The following RAPGEF2 variants were observed in gnomAD, a reference collection of about 807,000 sequenced individuals.
The protein encoded by RAPGEF2 is PDZ domain containing guanine nucleotide exchange factor (GEF) 1.
A neutral mutation model predicts 186.7 loss-of-function variants in RAPGEF2; 54 were observed. The observed-to-expected ratio is 0.29, with a 90% CI of 0.23 to 0.36. The LOEUF is 0.36. Among genes scored for constraint, RAPGEF2 ranks in the 10% least tolerant of loss-of-function variants. The pLI is 1.00. For missense variants in RAPGEF2, 1,532 were observed against 2,045.0 expected (o/e 0.75, Z 4.84); for synonymous variants, 712 against 705.9 (o/e 1.01, Z -0.14).
intron 7 of RAPGEF2, among the ~76,000 whole-genome samples, chr4:159,253,166 A>G (rs757001993): frequency 2.0e-5 from 3 of 152,256 alleles, no homozygotes; most frequent in Non-Finnish European, 2.9e-5. Context: ...ACAGCTTTCA[A>G]AAATAAATGT....
At chr4:159,134,496 A>G (rs10050303) in intron 1 of RAPGEF2, among the ~76,000 whole-genome samples, 1,650 of 152,330 alleles carry the variant, frequency 0.011, 32 homozygotes, top group African/African-American at 0.038. Context: ...AGATACTTAA[A>G]TGTGAGATTG....
At chr4:159,257,800 C>T (rs1014755489) in intron 7 of RAPGEF2, among the ~76,000 whole-genome samples, 2 of 152,166 alleles carry the variant, frequency 1.3e-5, no homozygotes, top group Non-Finnish European at 2.9e-5. Context: ...GTTTTTGTAA[C>T]AGTACCATGC....
In RAPGEF2 at chr4:159,353,161, A is replaced by G. The variant is rs1188501639; in HGVS notation, c.4091+251A>G. Among the ~76,000 whole-genome samples the G allele has an allele frequency of 6.6e-6, 1 of 152,144 alleles. No homozygotes were observed. The highest frequency in any genetic ancestry group is 1.5e-5 in the Non-Finnish European group (1 of 68,022). On this transcript the variant is annotated intron_variant, in intron 27 of 29. Transcript: ENST00000691494. This position sits in a 1 kb window ranked among gnomAD's most constrained non-coding sequence, Gnocchi z 4.3. ...TGTGCTGAAGGCAGAGGGTGACTGTAGGATCCATCCCAGTTGTTTCGTATG... is the reference window on the plus strand; with the variant it reads ...TGTGCTGAAGGCAGAGGGTGACTGTGGGATCCATCCCAGTTGTTTCGTATG...
At chr4:159,296,646 G>T (rs1030413274) in intron 7 of RAPGEF2, among the ~76,000 whole-genome samples, 2 of 152,082 alleles carry the variant, frequency 1.3e-5, no homozygotes, top group African/African-American at 4.8e-5. Context: ...TAAGAGTGTT[G>T]TAAAAATTAA....
chr4:159,281,820 C>T (rs1759762104), intron 7 of RAPGEF2, among the ~76,000 whole-genome samples: 1 of 152,070 alleles, frequency 6.6e-6, no homozygotes, highest in East Asian at 1.9e-4. Flanking sequence ...TGGGGTTCTG[C>T]TCCTCATTCT....
At chr4:159,137,720 A>AAC (rs1561001691) in intron 1 of RAPGEF2, among the ~76,000 whole-genome samples, 2 of 151,734 alleles carry the variant, frequency 1.3e-5, no homozygotes, top group Non-Finnish European at 2.9e-5. Context: ...AAAAAAAAAA[A>AAC]AAAAAACCTG....
At chr4:159,154,519 TA>T (rs60579601) in intron 1 of RAPGEF2, among the ~76,000 whole-genome samples, 2 of 148,384 alleles carry the variant, frequency 1.3e-5, no homozygotes, top group Non-Finnish European at 3.0e-5. Context: ...TTTTTTTTTT[TA>T]AAAAAAACAA....
At chr4:159,198,269 TC>T (rs1748924389) in intron 3 of RAPGEF2, among the ~76,000 whole-genome samples, 1 of 61,268 alleles carries the variant, frequency 1.6e-5, no homozygotes, top group Non-Finnish European at 2.8e-5. Flanking sequence ...TCTCTTTCTT[TC>T]CTTCTTTCTT....
At chr4:159,232,449 G>A (rs1289940331) in intron 4 of RAPGEF2, among the ~76,000 whole-genome samples, 3 of 152,160 alleles carry the variant, frequency 2.0e-5, no homozygotes, top group African/African-American at 7.2e-5. Context: ...TGTTGTAGCA[G>A]GTATCAGAAC....
chr4:159,342,769 G>A (rs1254928090), intron 20 of RAPGEF2, among the ~76,000 whole-genome samples: 1 of 151,712 alleles, frequency 6.6e-6, no homozygotes, highest in Non-Finnish European at 1.5e-5. Context: ...AGGTCTATAC[G>A]GAAGAGAAGA....
rs1766630727 is a variant in RAPGEF2, at chr4:159,331,132, A to G, written c.1468-299A>G. ...TGTATTAGCTGATTTTTGTTTTATTACACCTTTGCTTTTATTTTGATCTGT... is the reference window on the plus strand; with the variant it reads ...TGTATTAGCTGATTTTTGTTTTATTGCACCTTTGCTTTTATTTTGATCTGT... On this transcript the variant is annotated intron_variant, in intron 13 of 29. Transcript: ENST00000691494. Among the ~76,000 whole-genome samples the G allele has an allele frequency of 2.0e-5, 3 of 152,150 alleles. No homozygotes were observed. In the South Asian group the frequency reaches 6.2e-4, roughly 32 times the overall value.
chr4:159,181,387 C>T lies in RAPGEF2; in HGVS notation c.70-5255C>T, dbSNP rs192096429. Among the ~76,000 whole-genome samples the T allele has an allele frequency of 2.2e-3, 332 of 152,088 alleles. 2 individuals carry two copies. Among genetic ancestry groups the T allele is most frequent in the African/African-American group, 7.4e-3 (308 of 41,492 alleles). ...CTAATACTTTTCCAGATACACTTTT[C>T]TGGTCAGTGTGAATTTATTTGCTTG... On this transcript the variant is annotated intron_variant, in intron 1 of 29. Coordinates refer to ENST00000691494, the MANE Select transcript of RAPGEF2 (RefSeq NM_001394067.2).
chr4:159,167,718 T>G (rs1745479480), intron 1 of RAPGEF2, among the ~76,000 whole-genome samples: 1 of 152,242 alleles, frequency 6.6e-6, no homozygotes, highest in Non-Finnish European at 1.5e-5. Context: ...AGAATAGAGC[T>G]TGACACTATT....
At chr4:159,233,064 A>G (rs984778502) in intron 4 of RAPGEF2, among the ~76,000 whole-genome samples, 1 of 152,190 alleles carries the variant, frequency 6.6e-6, no homozygotes, top group African/African-American at 2.4e-5. Context: ...TTGAATCTTT[A>G]TCAGATATGT....
chr4:159,104,715 A>G lies in RAPGEF2; in HGVS notation c.69+484A>G, dbSNP rs1247741792. On this transcript the variant is annotated intron_variant, in intron 1 of 29. Coordinates refer to ENST00000691494, the MANE Select transcript of RAPGEF2 (RefSeq NM_001394067.2). ...CTCCAGATCCGTTCCTCCCCTTGCA[A>G]GTGACCCTTGGAGTTCAGTGGTGTT... 4.6e-5 allele frequency among the ~76,000 whole-genome samples: 7 copies of G among 152,182 alleles called. 1 individual carries two copies. The highest frequency in any genetic ancestry group is 3.9e-4 in the East Asian group (2 of 5,184).
chr4:159,172,260 T>C (rs1745988067), intron 1 of RAPGEF2, among the ~76,000 whole-genome samples: 1 of 152,124 alleles, frequency 6.6e-6, no homozygotes, highest in African/African-American at 2.4e-5. Context: ...GGTCCTGTAG[T>C]TCTCGGATGC....
intron 11 of RAPGEF2, chr4:159,329,645 T>C (rs1204388290): frequency 8.9e-6 from 3 of 337,244 alleles, no homozygotes; most frequent in South Asian, 9.1e-5. Flanking sequence ...AAAATACATA[T>C]AAGTATTCTA....
rs4611875 is a variant in RAPGEF2, at chr4:159,155,949, G to A, written c.70-30693G>A. Reference sequence around the variant, plus strand: ...ATTCATAGGTTATCAAAAACTTATTGCCAAGTTTCCAAATATTTGAAGATT... The same window carrying A: ...ATTCATAGGTTATCAAAAACTTATTACCAAGTTTCCAAATATTTGAAGATT... On this transcript the variant is annotated intron_variant, in intron 1 of 29. Transcript: ENST00000691494. 1.4e-4 allele frequency among the ~76,000 whole-genome samples: 21 copies of A among 151,914 alleles called. No individual in the cohort carries two copies. The South Asian group carries it at 1.5e-3, about 11-fold the overall frequency.
At chr4:159,184,360 A>C in intron 1 of RAPGEF2, among the ~76,000 whole-genome samples, 1 of 152,214 alleles carries the variant, frequency 6.6e-6, no homozygotes, top group East Asian at 1.9e-4. Flanking sequence ...TCCCACCAAC[A>C]GTGTAAAAGT....
Sources: gnomAD v4.1 joint callset for allele counts (sites outside exome capture counted in the v4.1 genomes callset) on GRCh38, gnomAD v4.1.1 for gene constraint, Gnocchi (gnomAD v3.1) non-coding constraint, MANE v1.5 for transcripts, NCBI Gene and HGNC (gene_info 2026-07-23, HGNC 2026-07-21) for gene names.